The following COL8A1 variants were observed in gnomAD, a reference collection of about 807,000 sequenced individuals.
The protein encoded by COL8A1 is collagen alpha-1(VIII) chain.
A neutral mutation model predicts 42.7 loss-of-function variants in COL8A1; 21 were observed. The ratio of observed to expected loss-of-function variants is 0.49; its 90% CI spans 0.35 to 0.71. The LOEUF is 0.71. Among genes scored for constraint, COL8A1 ranks in the 30% least tolerant of loss-of-function variants. COL8A1 has a pLI of 0.01. For missense variants in COL8A1, 788 were observed against 962.4 expected, an observed-to-expected ratio of 0.82 and a Z score of 2.40; for synonymous variants, 367 against 369.1, an observed-to-expected ratio of 0.99 and a Z score of 0.06.
chr3:99,738,848 T>G (rs1940812949), intron 1 of COL8A1, among the ~76,000 whole-genome samples: 1 of 152,088 alleles, frequency 6.6e-6, no homozygotes, highest in African/African-American at 2.4e-5. Flanking sequence ...CAGTTTGATC[T>G]CAGACTGCTG....
At chr3:99,788,301 T>C (rs1049732606) in intron 2 of COL8A1, among the ~76,000 whole-genome samples, 2 of 152,200 alleles carry the variant, frequency 1.3e-5, no homozygotes, top group South Asian at 2.1e-4. Flanking sequence ...GCTGAGCCTA[T>C]GAGAGGAAAT....
At chr3:99,747,050 C>T (rs1559625930) in intron 2 of COL8A1, among the ~76,000 whole-genome samples, 1 of 152,052 alleles carries the variant, frequency 6.6e-6, no homozygotes, top group Non-Finnish European at 1.5e-5. Context: ...AATATGAACA[C>T]CATGATAGGC....
At chr3:99,784,767 T>C (rs924313295) in intron 2 of COL8A1, among the ~76,000 whole-genome samples, 2 of 152,202 alleles carry the variant, frequency 1.3e-5, no homozygotes, top group Non-Finnish European at 2.9e-5. Context: ...GACTGAAGCA[T>C]CATTATGCAC....
At chr3:99,774,017 G>A (rs1048889198) in intron 2 of COL8A1, among the ~76,000 whole-genome samples, 2 of 149,056 alleles carry the variant, frequency 1.3e-5, no homozygotes, top group Non-Finnish European at 3.0e-5. Flanking sequence ...GCTAATTTTT[G>A]TATTTTTAGT....
At chr3:99,655,629 T>C (rs1937993745) in intron 1 of COL8A1, among the ~76,000 whole-genome samples, 1 of 152,248 alleles carries the variant, frequency 6.6e-6, no homozygotes. Context: ...ATTTCATTTA[T>C]CTAAAATTCT....
chr3:99,793,886 G>T (rs1435785951), intron 3 of COL8A1, among the ~76,000 whole-genome samples: 1 of 152,050 alleles, frequency 6.6e-6, no homozygotes, highest in African/African-American at 2.4e-5. Flanking sequence ...CAAGTAGCTG[G>T]GACTACAGGC....
intron 2 of COL8A1, among the ~76,000 whole-genome samples, chr3:99,766,179 C>T (rs1248278478): frequency 1.3e-5 from 2 of 152,200 alleles, no homozygotes; most frequent in Non-Finnish European, 2.9e-5. Context: ...TCAGGCATCA[C>T]CATTTGTTAC....
rs1176042144 is a variant in COL8A1, at chr3:99,750,049, C to CTTTTT, written c.-4+5049_-4+5053dup. On this transcript the variant is annotated intron_variant, in intron 2 of 3. Transcript: ENST00000652472. The stretch of plus-strand genomic sequence containing the variant: ...GCCAACTTCTTTTTCTTTTTTTCTT[C>CTTTTT]TTTTTTTTTTTTTTTTTTTTTTTTT... Among the ~76,000 whole-genome samples the CTTTTT allele has an allele frequency of 2.5e-3, 165 of 65,970 alleles. 2 individuals carry two copies. The highest frequency in any genetic ancestry group is 2.6e-3 in the Non-Finnish European group (99 of 38,034). 43.3% of individuals were successfully genotyped at this position (65,970 alleles called of 152,430 possible).
At chr3:99,725,743 CTCA>C (rs1940295752) in intron 1 of COL8A1, among the ~76,000 whole-genome samples, 1 of 151,852 alleles carries the variant, frequency 6.6e-6, no homozygotes. Context: ...AGGACATGAA[CTCA>C]TCATTTTTTA....
chr3:99,718,876 T>C (rs1940074860), intron 1 of COL8A1, among the ~76,000 whole-genome samples: 1 of 152,092 alleles, frequency 6.6e-6, no homozygotes, highest in South Asian at 2.1e-4. Flanking sequence ...CAGCTTCATC[T>C]TATTTAGCAT....
At chr3:99,749,205 C>G (rs944136512) in intron 2 of COL8A1, among the ~76,000 whole-genome samples, 1 of 152,050 alleles carries the variant, frequency 6.6e-6, no homozygotes, top group Admixed American at 6.6e-5. Flanking sequence ...TAACTAAAAA[C>G]TAGCATCTAT....
chr3:99,723,640 A>ATT (rs1940219679), intron 1 of COL8A1, among the ~76,000 whole-genome samples: 1 of 152,084 alleles, frequency 6.6e-6, no homozygotes, highest in South Asian at 2.1e-4. Context: ...GCTTACTACA[A>ATT]TTTTTATTTT....
intron 2 of COL8A1, among the ~76,000 whole-genome samples, chr3:99,759,149 T>G (rs575017566): frequency 6.6e-6 from 1 of 151,924 alleles, no homozygotes; most frequent in South Asian, 2.1e-4. Context: ...AAAATTATTT[T>G]GTTTGGTTTA....
At chr3:99,667,781 G>A (rs1003204966) in intron 1 of COL8A1, among the ~76,000 whole-genome samples, 1 of 152,032 alleles carries the variant, frequency 6.6e-6, no homozygotes, top group East Asian at 1.9e-4. Context: ...TGGGCAGGTG[G>A]GTAGCTCAAG....
At chr3:99,690,998 T>C (rs1939204053) in intron 1 of COL8A1, among the ~76,000 whole-genome samples, 1 of 152,218 alleles carries the variant, frequency 6.6e-6, no homozygotes, top group Admixed American at 6.5e-5. Flanking sequence ...ACATGAATTT[T>C]TTTCAACCAA....
At chr3:99,767,303 A>T (rs1473989959) in intron 2 of COL8A1, among the ~76,000 whole-genome samples, 1 of 152,188 alleles carries the variant, frequency 6.6e-6, no homozygotes, top group Non-Finnish European at 1.5e-5. Flanking sequence ...TTTTCATTTA[A>T]TATTTAACTT....
chr3:99,774,629 C>T (rs1941656340), intron 2 of COL8A1, among the ~76,000 whole-genome samples: 1 of 151,994 alleles, frequency 6.6e-6, no homozygotes, highest in South Asian at 2.1e-4. Flanking sequence ...ATATCCAGCC[C>T]AACACACGTG....
At chr3:99,681,468 G>A (rs895007081) in intron 1 of COL8A1, among the ~76,000 whole-genome samples, 1 of 151,970 alleles carries the variant, frequency 6.6e-6, no homozygotes, top group Non-Finnish European at 1.5e-5. Flanking sequence ...TTGGAGGGAG[G>A]AATTAAAAAA....
intron 1 of COL8A1, among the ~76,000 whole-genome samples, chr3:99,663,852 T>A (rs1347164274): frequency 6.6e-6 from 1 of 152,174 alleles, no homozygotes; most frequent in Non-Finnish European, 1.5e-5. Flanking sequence ...ATGTAGGTTA[T>A]TTTTTAATGC....
Sources: allele counts gnomAD v4.1 joint callset (sites outside exome capture counted in the v4.1 genomes callset), GRCh38; gene constraint gnomAD v4.1.1; transcripts MANE v1.5; gene names NCBI Gene and HGNC (gene_info 2026-07-23, HGNC 2026-07-21).